Variants in GRAMD1C observed in about 807,000 individuals in gnomAD.
The protein encoded by GRAMD1C is protein Aster-C.
In GRAMD1C, 89 loss-of-function variants were observed where a neutral mutation model predicts 97.8. That is an observed-to-expected ratio of 0.91 (90% CI 0.77 to 1.09). GRAMD1C has a LOEUF of 1.09. GRAMD1C is among the 50% of genes least tolerant of loss of function. The probability of loss-of-function intolerance (pLI) is 0.00; values close to 1 mark genes in which losing one functional copy is unlikely to be tolerated. For synonymous variants in GRAMD1C, 256 were observed against 267.0 expected (o/e 0.96, Z 0.40); for missense variants, 740 against 766.4 (o/e 0.97, Z 0.41).
chr3:113,912,710 G>C (rs1207255109), intron 9 of GRAMD1C, among the ~76,000 whole-genome samples: 2 of 151,854 alleles, frequency 1.3e-5, no homozygotes, highest in African/African-American at 4.8e-5. Flanking sequence ...CTCTAGCCTG[G>C]GCGACAAAAG....
intron 1 of GRAMD1C, among the ~76,000 whole-genome samples, chr3:113,832,294 C>T (rs1309418520): frequency 6.6e-6 from 1 of 152,138 alleles, no homozygotes; most frequent in Non-Finnish European, 1.5e-5. Flanking sequence ...TCCCAAAGTG[C>T]TGGGATTACA....
intron 7 of GRAMD1C, among the ~76,000 whole-genome samples, chr3:113,902,575 A>G (rs1300979229): frequency 1.3e-5 from 2 of 152,216 alleles, no homozygotes; most frequent in Non-Finnish European, 2.9e-5. Context: ...GCCAACTTGA[A>G]AAGTTTCTAG....
At chr3:113,924,147 T>C (rs919032926) in intron 10 of GRAMD1C, among the ~76,000 whole-genome samples, 3 of 151,626 alleles carry the variant, frequency 2.0e-5, no homozygotes, top group Admixed American at 6.6e-5. Flanking sequence ...CATTTCTGAT[T>C]GTGTTTATTT....
At chr3:113,919,783 G>A in intron 10 of GRAMD1C, 1 of 605,778 alleles carries the variant, frequency 1.7e-6, no homozygotes, top group Non-Finnish European at 3.1e-6. Flanking sequence ...ATCATTTAAA[G>A]CATGTAATTG....
intron 10 of GRAMD1C, chr3:113,919,632 G>C (rs753052958): frequency 1.1e-5 from 7 of 643,574 alleles, no homozygotes; most frequent in Non-Finnish European, 1.7e-5. Context: ...ACAATAGTGA[G>C]AAGACTGACA....
At chr3:113,869,140 C>G (rs993527760) in intron 2 of GRAMD1C, among the ~76,000 whole-genome samples, 11 of 152,122 alleles carry the variant, frequency 7.2e-5, no homozygotes, top group African/African-American at 2.7e-4. Context: ...GTAATGGGAA[C>G]AGGCCCAGGA....
At chr3:113,856,936 C>A (rs1471401342) in intron 2 of GRAMD1C, among the ~76,000 whole-genome samples, 1 of 151,450 alleles carries the variant, frequency 6.6e-6, no homozygotes, top group Non-Finnish European at 1.5e-5. Flanking sequence ...ATCTCCTGTG[C>A]TCAGAGATCC....
In GRAMD1C at chr3:113,833,126, T is replaced by C. The variant is rs1466240470; in HGVS notation, n.98+4847T>C. Among the ~76,000 whole-genome samples the C allele has an allele frequency of 7.6e-3, 1,140 of 149,660 alleles. 15 individuals are homozygous for C. The highest frequency in any genetic ancestry group is 0.027 in the African/African-American group (1,085 of 40,772). On this transcript the variant is annotated intron_variant and non_coding_transcript_variant, in intron 1 of 18. Coordinates refer to the GRAMD1C transcript ENST00000479212. ...TTTCTTTCTTTCTTTCTTTCTTTTT[T>C]TTTTTTTTTGTGTGTGTGCGTGTGT...
intron 1 of GRAMD1C, among the ~76,000 whole-genome samples, chr3:113,844,271 G>T (rs1159889413): frequency 1.3e-5 from 2 of 151,940 alleles, no homozygotes; most frequent in Non-Finnish European, 2.9e-5. Flanking sequence ...TCCAGTCTGG[G>T]TGAAAGAGTG....
intron 6 of GRAMD1C, among the ~76,000 whole-genome samples, chr3:113,899,634 C>T (rs146810272): frequency 6.6e-6 from 1 of 152,310 alleles, no homozygotes; most frequent in East Asian, 1.9e-4. Context: ...TACTTCCTTA[C>T]ACCTTGCTTA....
rs1461470742 is a variant in GRAMD1C, at chr3:113,900,824, C to T, written c.541-207C>T. 2.6e-5 allele frequency among the ~76,000 whole-genome samples: 4 copies of T among 151,958 alleles called. 1 individual carries two copies. The highest frequency in any genetic ancestry group is 6.3e-3 in the Middle Eastern group (2 of 316). The stretch of plus-strand genomic sequence containing the variant: ...TACTTTAAAATCATTTTATCTATTC[C>T]TTTTATGAACTCTGCCAGATAGCTT... On this transcript the variant is annotated intron_variant, in intron 6 of 17. Transcript: ENST00000358160.
chr3:113,853,767 A>G (rs1181698624), intron 2 of GRAMD1C, among the ~76,000 whole-genome samples: 1 of 152,206 alleles, frequency 6.6e-6, no homozygotes, highest in Non-Finnish European at 1.5e-5. Context: ...CAACAAAAGA[A>G]TGTAAAGGTG....
At chr3:113,866,736 T>G (rs1934599292) in intron 2 of GRAMD1C, among the ~76,000 whole-genome samples, 1 of 152,206 alleles carries the variant, frequency 6.6e-6, no homozygotes, top group Non-Finnish European at 1.5e-5. Flanking sequence ...CATACTAATT[T>G]AATTCTGCTA....
At chr3:113,908,919 C>G (rs973170775) in intron 8 of GRAMD1C, 39 bp from the exon 9 acceptor site, 6 of 1,302,038 alleles carry the variant, frequency 4.6e-6, no homozygotes, top group Non-Finnish European at 6.3e-6. Flanking sequence ...CTAAGCTAAA[C>G]CTGTGTTTTA....
At chr3:113,920,204 G>A (rs1936987945) in intron 10 of GRAMD1C, 3 of 1,255,972 alleles carry the variant, frequency 2.4e-6, no homozygotes, top group African/African-American at 3.1e-5. Flanking sequence ...AATGTGAACT[G>A]AATAGGAGAC....
At chr3:113,922,152 G>A (rs190012352) in intron 10 of GRAMD1C, among the ~76,000 whole-genome samples, 243 of 151,928 alleles carry the variant, frequency 1.6e-3, no homozygotes, top group Non-Finnish European at 3.2e-3. Flanking sequence ...GCTTACTGCA[G>A]CCTCAACCTC....
chr3:113,943,272 T>C (rs926887878), intron 17 of GRAMD1C, among the ~76,000 whole-genome samples: 2 of 152,226 alleles, frequency 1.3e-5, no homozygotes, highest in African/African-American at 4.8e-5. Context: ...AAACACTTCT[T>C]TCTTGAAATG....
chr3:113,874,753 A>G (rs1251609336), intron 3 of GRAMD1C, among the ~76,000 whole-genome samples: 1 of 152,114 alleles, frequency 6.6e-6, no homozygotes, highest in Non-Finnish European at 1.5e-5. Flanking sequence ...CCAATTCACC[A>G]TCAGTACTAC....
chr3:113,926,463 C>A (rs879893869), intron 10 of GRAMD1C, among the ~76,000 whole-genome samples: 1 of 152,024 alleles, frequency 6.6e-6, no homozygotes, highest in Non-Finnish European at 1.5e-5. Flanking sequence ...TTTTGAGTTT[C>A]TCCTGAATTT....
Sources: gnomAD v4.1 joint callset for allele counts (sites outside exome capture counted in the v4.1 genomes callset) on GRCh38, gnomAD v4.1.1 for gene constraint, MANE v1.5 for transcripts, NCBI Gene and HGNC (gene_info 2026-07-23, HGNC 2026-07-21) for gene names.